SEL1L3: variants seen among roughly 807,000 people sequenced by gnomAD.
SEL1L3 encodes protein sel-1 homolog 3.
A neutral mutation model predicts 142.8 loss-of-function variants in SEL1L3; 76 were observed. The observed-to-expected ratio is 0.53, with a 90% CI of 0.44 to 0.64. The LOEUF (loss-of-function observed/expected upper bound fraction) is 0.64, where lower values mean the gene tolerates loss of function less well. Ranked by LOEUF, SEL1L3 falls within the 30% of genes least tolerant of loss-of-function variation. The pLI is 0.00. For missense variants in SEL1L3, 1,262 were observed against 1,381.7 expected, an observed-to-expected ratio of 0.91 and a Z score of 1.37; for synonymous variants, 504 against 519.6, an observed-to-expected ratio of 0.97 and a Z score of 0.41.
At chr4:25,818,963 C>T (rs1042364682) in intron 8 of SEL1L3, among the ~76,000 whole-genome samples, 2 of 152,026 alleles carry the variant, frequency 1.3e-5, no homozygotes, top group African/African-American at 4.8e-5. Flanking sequence ...GAGATGCATC[C>T]CTCCCTCCAC....
At chr4:25,832,030 C>T (rs1715481448) in intron 5 of SEL1L3, among the ~76,000 whole-genome samples, 1 of 152,156 alleles carries the variant, frequency 6.6e-6, no homozygotes, top group Admixed American at 6.6e-5. Context: ...GCTATTATGG[C>T]CATCATAATT....
At chr4:25,853,514 T>C (rs1417579983) in intron 1 of SEL1L3, among the ~76,000 whole-genome samples, 3 of 152,128 alleles carry the variant, frequency 2.0e-5, no homozygotes, top group African/African-American at 7.2e-5. Flanking sequence ...GTGTAAAATA[T>C]TCATTGAATT....
At chr4:25,774,178 G>C (rs1172442183) in intron 17 of SEL1L3, among the ~76,000 whole-genome samples, 1 of 152,128 alleles carries the variant, frequency 6.6e-6, no homozygotes. Flanking sequence ...GTAGGATTCC[G>C]GGGCAGAGGA....
intron 23 of SEL1L3, chr4:25,756,323 C>T: frequency 2.0e-6 from 2 of 985,312 alleles, no homozygotes; most frequent in Non-Finnish European, 2.4e-6. Flanking sequence ...CATGAGTTAT[C>T]ACAAATGACA....
the SEL1L3 span, among the ~76,000 whole-genome samples, chr4:25,727,988 T>C: frequency 6.6e-6 from 1 of 152,108 alleles, no homozygotes; most frequent in South Asian, 2.1e-4. Flanking sequence ...AAATATGAAC[T>C]AGGCCGGTTC....
chr4:25,784,725 C>T (rs1711670879), intron 13 of SEL1L3, among the ~76,000 whole-genome samples: 1 of 152,206 alleles, frequency 6.6e-6, no homozygotes, highest in African/African-American at 2.4e-5. Flanking sequence ...GCTGGGATCT[C>T]CAGGGTGGAA....
chr4:25,715,803 A>C, the SEL1L3 span, among the ~76,000 whole-genome samples: 1 of 131,496 alleles, frequency 7.6e-6, no homozygotes, highest in South Asian at 2.3e-4. Flanking sequence ...ATAGTAAAGG[A>C]AGAAAAAAAA....
the SEL1L3 span, among the ~76,000 whole-genome samples, chr4:25,725,541 C>T: frequency 4.0e-5 from 6 of 150,494 alleles, no homozygotes; most frequent in Non-Finnish European, 1.5e-5. Context: ...GTCTTGAACT[C>T]TTGGCCTCAA....
intron 1 of SEL1L3, 65 bp from the exon 2 acceptor site, chr4:25,847,929 T>C (rs1716645968): frequency 6.4e-6 from 6 of 939,146 alleles, no homozygotes; most frequent in Non-Finnish European, 7.9e-6. Context: ...TAACAGATAC[T>C]TGAATCATTA....
Position 25,818,196 on chromosome 4 carries a change from C to T in SEL1L3, c.1506G>A (p.Glu502=), listed in dbSNP as rs199717742. 6.8e-4 allele frequency: 1,094 copies of T among 1,608,088 alleles called. No individual in the cohort carries two copies. Among genetic ancestry groups the T allele is most frequent in the Non-Finnish European group, 8.9e-4 (1,050 of 1,177,248 alleles). The change falls in exon 9 of 24, where the codon GAG becomes GAA. Residue 502 remains glutamate, a synonymous_variant. Coordinates refer to ENST00000399878, the MANE Select transcript of SEL1L3 (RefSeq NM_015187.5). ...SMCRAFPWEK[E]LKDKHPSLFQ... is the part of the protein sequence containing the mutation. ...ACAAGCTGGGGTGTTTGTCTTTCAG[C>T]TCCTTCTCCCAGGGGAAGGCTCTGC... is the stretch of plus-strand genomic sequence containing the variant.
At chr4:25,822,942 C>T (rs191353526) in intron 6 of SEL1L3, among the ~76,000 whole-genome samples, 1 of 152,230 alleles carries the variant, frequency 6.6e-6, no homozygotes, top group Non-Finnish European at 1.5e-5. Context: ...GACAAAGGAA[C>T]CTGGAGGGAT....
intron 6 of SEL1L3, among the ~76,000 whole-genome samples, chr4:25,825,345 G>T (rs1715020817): frequency 6.6e-6 from 1 of 152,084 alleles, no homozygotes; most frequent in Non-Finnish European, 1.5e-5. Flanking sequence ...CTGTTTGATG[G>T]TCATCAATTT....
At chr4:25,742,555 C>T (rs969060587), downstream of SEL1L3, among the ~76,000 whole-genome samples, 4 of 152,156 alleles carry the variant, frequency 2.6e-5, no homozygotes, top group Non-Finnish European at 5.9e-5. Flanking sequence ...CTCAGCCTCT[C>T]AAAGTGCTGG....
chr4:25,740,773 A>G, the SEL1L3 span, among the ~76,000 whole-genome samples: 96,384 of 152,002 alleles, frequency 0.63, 30,844 homozygotes, highest in Middle Eastern at 0.73. Context: ...GGTATTACAT[A>G]CATTTCTTTT....
At chr4:25,752,658 T>C (rs377139014) in intron 23 of SEL1L3, among the ~76,000 whole-genome samples, 11 of 152,336 alleles carry the variant, frequency 7.2e-5, no homozygotes, top group African/African-American at 1.7e-4. Context: ...TTCACTCTTG[T>C]TGCCCAGGCA....
chr4:25,771,821 T>C (rs1219698056), intron 17 of SEL1L3, among the ~76,000 whole-genome samples: 3 of 152,236 alleles, frequency 2.0e-5, no homozygotes. Context: ...AGCTGGTCTT[T>C]CCTTGGCTAA....
At position 25,809,779 on chromosome 4, in the gene SEL1L3, T is replaced by C. The variant is rs566662827; in HGVS notation, c.1565-5027A>G. On this transcript the variant is annotated intron_variant, in intron 9 of 23. Transcript: ENST00000399878. ...TATATGTATGCTTTTTTAAAAAAGGTAATAAAGATGATGGTTCTTCAACAA... is the reference window on the plus strand; with the variant it reads ...TATATGTATGCTTTTTTAAAAAAGGCAATAAAGATGATGGTTCTTCAACAA... 2.0e-5 allele frequency among the ~76,000 whole-genome samples: 3 copies of C among 152,300 alleles called. No homozygotes were observed. In the South Asian group the frequency reaches 6.2e-4, roughly 32 times the overall value.
chr4:25,727,083 C>T, the SEL1L3 span, among the ~76,000 whole-genome samples: 13 of 63,742 alleles, frequency 2.0e-4, no homozygotes, highest in African/African-American at 9.1e-4. Flanking sequence ...GACGGAGTCT[C>T]GCTCTGTCAC....
chr4:25,725,586 T>A, the SEL1L3 span, among the ~76,000 whole-genome samples: 1 of 152,146 alleles, frequency 6.6e-6, no homozygotes, highest in African/African-American at 2.4e-5. Context: ...AAGTGTGGGA[T>A]TACAGGTGTG....
Sources: gnomAD v4.1 joint callset for allele counts (sites outside exome capture counted in the v4.1 genomes callset) on GRCh38, gnomAD v4.1.1 for gene constraint, MANE v1.5 for transcripts, NCBI Gene and HGNC (gene_info 2026-07-23, HGNC 2026-07-21) for gene names.